Variants in STS observed in about 807,000 individuals in gnomAD.
The protein encoded by STS is steroid sulfatase.
In STS, 7 loss-of-function variants were observed where a neutral mutation model predicts 26.8. The ratio of observed to expected loss-of-function variants is 0.26; its 90% CI spans 0.15 to 0.49. The LOEUF is 0.49. Ranked by LOEUF, STS falls within the 20% of genes least tolerant of loss-of-function variation. The pLI, the probability that STS is intolerant of heterozygous loss-of-function variation, is 0.98. For missense variants in STS, 434 were observed against 465.6 expected (o/e 0.93, Z 0.63); for synonymous variants, 199 against 189.4 (o/e 1.05, Z -0.42).
chrX:7,148,045 C>T lies in STS; in HGVS notation c.-172C>T, dbSNP rs757985275. On this transcript the variant is annotated 5_prime_UTR_variant, in exon 1 of 11. Coordinates refer to ENST00000674429, the MANE Select transcript of STS (RefSeq NM_001320752.2). ...CCTTACTGGAGGCGGCGGCTGCACA[C>T]TACCCACCCAGAAGAAGTCCGTCCA... 1 of 1,138,172 alleles carries T rather than the reference C, an allele frequency of 8.8e-7. No homozygotes were observed. The highest frequency in any genetic ancestry group is 2.0e-5 in the South Asian group (1 of 50,717). 93.8% of individuals were successfully genotyped at this position (1,138,172 alleles called of 1,213,427 possible).
At chrX:7,175,004 G>C (rs1321870961) in intron 1 of STS, among the ~76,000 whole-genome samples, 1 of 110,591 alleles carries the variant, frequency 9.0e-6, no homozygotes, top group African/African-American at 3.3e-5. Context: ...GGTCAGAATT[G>C]ATCTTTTCAT....
In STS at chrX:7,204,074, C is replaced by G. The variant is rs191481262; in HGVS notation, c.-5+13066C>G. ...GTGCTGGGATTACAGGCATGAGCCA[C>G]TGCACCTGGACAGATTGTTTTTCAC... On this transcript the variant is annotated intron_variant, in intron 2 of 10. Transcript: ENST00000674429. Among the ~76,000 whole-genome samples, 36 of 112,402 alleles carry G rather than the reference C, an allele frequency of 3.2e-4. No homozygotes were observed. The East Asian group carries it at 6.7e-3, about 21-fold the overall frequency.
rs770608786 is a variant in STS, at chrX:7,300,477, G to T, written c.944-4569G>T. On this transcript the variant is annotated intron_variant, in intron 7 of 10. Transcript: ENST00000674429. Reference sequence around the variant, plus strand: ...TTCTCATGGGAGATTTCTGTTCACAGTGTTTAGGAGGGAAACATGTTAGAC... The same window carrying T: ...TTCTCATGGGAGATTTCTGTTCACATTGTTTAGGAGGGAAACATGTTAGAC... 8.0e-5 allele frequency among the ~76,000 whole-genome samples: 9 copies of T among 112,064 alleles called. No homozygotes were observed. In the South Asian group the frequency reaches 2.2e-3, roughly 28 times the overall value.
intron 2 of STS, among the ~76,000 whole-genome samples, chrX:7,204,774 C>T (rs1029101467): frequency 9.6e-6 from 1 of 104,089 alleles, no homozygotes; most frequent in Non-Finnish European, 2.0e-5. Context: ...CCTCCTTTCT[C>T]CCTCTTTCCT....
At chrX:7,263,530 T>G (rs1313240766) in intron 6 of STS, among the ~76,000 whole-genome samples, 1 of 112,463 alleles carries the variant, frequency 8.9e-6, no homozygotes, top group East Asian at 2.8e-4. Flanking sequence ...CCATATAGCC[T>G]GGGTGTGCAG....
At chrX:7,201,117 A>C (rs1158757891) in intron 2 of STS, among the ~76,000 whole-genome samples, 4 of 111,409 alleles carry the variant, frequency 3.6e-5, no homozygotes, top group African/African-American at 1.3e-4. Flanking sequence ...TGATAGACAG[A>C]TATATAGATA....
chrX:7,218,238 C>T (rs1203126607), intron 2 of STS, among the ~76,000 whole-genome samples: 1 of 112,306 alleles, frequency 8.9e-6, no homozygotes, highest in Non-Finnish European at 1.9e-5. Flanking sequence ...TTTTTAATTG[C>T]CAAGGAAAAT....
chrX:7,334,563 C>A (rs1927922552), intron 10 of STS, among the ~76,000 whole-genome samples: 1 of 111,786 alleles, frequency 8.9e-6, no homozygotes, highest in Admixed American at 9.5e-5. Context: ...GGGTACTCCT[C>A]AATGCCCCCC....
intron 2 of STS, among the ~76,000 whole-genome samples, chrX:7,193,616 T>A (rs1933918488): frequency 9.0e-6 from 1 of 111,512 alleles, no homozygotes; most frequent in South Asian, 3.8e-4. Context: ...TCATTATCCT[T>A]TCCTAATGTT....
intron 1 of STS, among the ~76,000 whole-genome samples, chrX:7,167,493 T>G (rs1267863751): frequency 4.5e-5 from 5 of 111,770 alleles, no homozygotes; most frequent in Admixed American, 1.9e-4. Flanking sequence ...TGGGATTACA[T>G]GTGTGAGCCA....
chrX:7,267,639 T>C (rs1002574919), intron 6 of STS, among the ~76,000 whole-genome samples: 1 of 112,135 alleles, frequency 8.9e-6, no homozygotes, highest in South Asian at 3.7e-4. Flanking sequence ...TCTGAAGATA[T>C]ATACATGCCC....
At chrX:7,282,189 T>G (rs1294853651) in intron 7 of STS, among the ~76,000 whole-genome samples, 3 of 47,770 alleles carry the variant, frequency 6.3e-5, no homozygotes, top group Non-Finnish European at 1.3e-4. Flanking sequence ...GTAAATGGTT[T>G]GTTTGTTTGT....
At chrX:7,186,327 A>C (rs1322824444) in intron 1 of STS, among the ~76,000 whole-genome samples, 1 of 112,459 alleles carries the variant, frequency 8.9e-6, no homozygotes, top group Admixed American at 9.4e-5. Flanking sequence ...CAGTCCATGG[A>C]GAGTGACATG....
At chrX:7,206,118 T>C (rs1934224732) in intron 2 of STS, among the ~76,000 whole-genome samples, 1 of 111,914 alleles carries the variant, frequency 8.9e-6, no homozygotes, top group Non-Finnish European at 1.9e-5. Context: ...TTCATCGTTT[T>C]GGGCCCCCAG....
chrX:7,188,324 G>A (rs1289589492), intron 1 of STS, among the ~76,000 whole-genome samples: 2 of 111,219 alleles, frequency 1.8e-5, no homozygotes, highest in South Asian at 3.9e-4. Context: ...GATTGAGGGC[G>A]GGCACTGGGC....
intron 1 of STS, among the ~76,000 whole-genome samples, chrX:7,158,868 G>A (rs1438554558): frequency 8.9e-6 from 1 of 112,188 alleles, no homozygotes; most frequent in African/African-American, 3.2e-5. Flanking sequence ...TTTCTGCAAT[G>A]AGTAAGTTTT....
chrX:7,327,624 A>T (rs1244672494), intron 9 of STS, among the ~76,000 whole-genome samples: 8 of 110,344 alleles, frequency 7.3e-5, no homozygotes, highest in Admixed American at 1.9e-4. Context: ...AGCTCAAGAA[A>T]TCCTCCTGCC....
intron 10 of STS, among the ~76,000 whole-genome samples, chrX:7,348,975 G>GT (rs1928646977): frequency 9.2e-6 from 1 of 109,271 alleles, no homozygotes; most frequent in Admixed American, 9.8e-5. Flanking sequence ...TTGTGGGTTT[G>GT]TTTTTTGTTT....
At chrX:7,154,249 G>A (rs763654805) in intron 1 of STS, among the ~76,000 whole-genome samples, 4 of 112,097 alleles carry the variant, frequency 3.6e-5, no homozygotes, top group South Asian at 3.7e-4. Flanking sequence ...TGCGCCTTGC[G>A]TCGTCTCTGC....
Sources: allele counts gnomAD v4.1 joint callset (sites outside exome capture counted in the v4.1 genomes callset), GRCh38; gene constraint gnomAD v4.1.1; transcripts MANE v1.5; gene names NCBI Gene and HGNC (gene_info 2026-07-23, HGNC 2026-07-21).